The following ERC1 variants were observed in gnomAD, a reference collection of about 807,000 sequenced individuals.
The protein encoded by ERC1 is RAB6 interacting protein 2.
In ERC1, 56 loss-of-function variants were observed where a neutral mutation model predicts 132.0. That is an observed-to-expected ratio of 0.42 (90% CI 0.34 to 0.53). The LOEUF (loss-of-function observed/expected upper bound fraction) is 0.53, where lower values mean the gene tolerates loss of function less well. Ranked by LOEUF, ERC1 falls within the 20% of genes least tolerant of loss-of-function variation. ERC1 has a pLI of 0.03. For missense variants in ERC1, 1,202 were observed against 1,349.9 expected (o/e 0.89, Z 1.72); for synonymous variants, 478 against 476.1 (o/e 1.00, Z -0.05).
intron 2 of ERC1, among the ~76,000 whole-genome samples, chr12:1,061,193 T>G (rs1439943231): frequency 1.3e-5 from 2 of 152,222 alleles, no homozygotes; most frequent in Non-Finnish European, 2.9e-5. Flanking sequence ...TAATGGCGTC[T>G]AATGATTCTT....
chr12:1,471,479 GA>G (rs1486353022), intron 18 of ERC1, among the ~76,000 whole-genome samples: 1 of 152,232 alleles, frequency 6.6e-6, no homozygotes, highest in Non-Finnish European at 1.5e-5. Context: ...ATAATCATCA[GA>G]AAGCAAACAT....
chr12:1,393,244 T>C (rs1021620987), intron 16 of ERC1, among the ~76,000 whole-genome samples: 2 of 152,230 alleles, frequency 1.3e-5, no homozygotes, highest in Admixed American at 6.5e-5. Flanking sequence ...TTTAAGAACT[T>C]TGGCTGGGTG....
intron 1 of ERC1, among the ~76,000 whole-genome samples, chr12:1,026,969 G>T (rs533432346): frequency 2.0e-5 from 3 of 152,328 alleles, no homozygotes; most frequent in Admixed American, 2.0e-4. Context: ...CACTGGGATT[G>T]TGCTAAGTAG....
intron 12 of ERC1, among the ~76,000 whole-genome samples, chr12:1,215,836 T>A (rs1958351737): frequency 6.6e-6 from 1 of 152,152 alleles, no homozygotes; most frequent in South Asian, 2.1e-4. Flanking sequence ...TATAGGTTAT[T>A]GTTAAAGACC....
At chr12:1,177,858 A>G (rs1953920331) in intron 8 of ERC1, among the ~76,000 whole-genome samples, 3 of 152,200 alleles carry the variant, frequency 2.0e-5, no homozygotes, top group Non-Finnish European at 4.4e-5. Context: ...AGCGTAAGAA[A>G]TCCAGGTATA....
chr12:1,234,869 G>A (rs1392621584), intron 12 of ERC1, among the ~76,000 whole-genome samples: 5 of 152,066 alleles, frequency 3.3e-5, no homozygotes, highest in African/African-American at 9.7e-5. Context: ...ATATTATTAT[G>A]TTATACCAAA....
intron 15 of ERC1, among the ~76,000 whole-genome samples, chr12:1,301,485 A>G (rs1001342983): frequency 5.9e-5 from 9 of 152,226 alleles, no homozygotes; most frequent in African/African-American, 2.2e-4. Flanking sequence ...TTGTGCAGCC[A>G]TAAAAACGAA....
At chr12:1,271,220 TAG>T (rs1466233702) in intron 14 of ERC1, among the ~76,000 whole-genome samples, 6 of 152,170 alleles carry the variant, frequency 3.9e-5, no homozygotes, top group South Asian at 4.1e-4. Flanking sequence ...CAAAAATGTG[TAG>T]AGAGACTTTT....
chr12:1,132,484 G>A (rs1948857982), intron 7 of ERC1, among the ~76,000 whole-genome samples: 1 of 152,032 alleles, frequency 6.6e-6, no homozygotes, highest in Non-Finnish European at 1.5e-5. Flanking sequence ...TCTCAGTGCC[G>A]TGCGGGTATT....
chr12:1,490,284 A>C lies in ERC1; in HGVS notation c.*54A>C. The C allele has an allele frequency of 6.4e-7, 1 of 1,571,496 alleles. No homozygotes were observed. The highest frequency in any genetic ancestry group is 2.3e-5 in the East Asian group (1 of 44,290). On this transcript the variant is annotated 3_prime_UTR_variant, in exon 19 of 19. Coordinates refer to ENST00000360905, the MANE Select transcript of ERC1 (RefSeq NM_178040.4). ...TCAACCCAGGAGCCAAGAAAAGAGA[A>C]CTACGAGGAACAGGTGCCCGGAACC... is the stretch of plus-strand genomic sequence containing the variant.
At chr12:1,332,966 A>G (rs2082982043) in intron 15 of ERC1, among the ~76,000 whole-genome samples, 2 of 152,008 alleles carry the variant, frequency 1.3e-5, no homozygotes, top group African/African-American at 2.4e-5. Flanking sequence ...TGTTGTACAG[A>G]TTATTTCCTC....
intron 2 of ERC1, among the ~76,000 whole-genome samples, chr12:1,054,063 G>T (rs370896539): frequency 1.3e-5 from 2 of 152,050 alleles, no homozygotes; most frequent in Non-Finnish European, 1.5e-5. Flanking sequence ...TGATCTTCTA[G>T]ATTCAGAAAA....
intron 11 of ERC1, among the ~76,000 whole-genome samples, chr12:1,186,911 G>A (rs1955160675): frequency 6.6e-6 from 1 of 152,112 alleles, no homozygotes; most frequent in Non-Finnish European, 1.5e-5. Flanking sequence ...ACTCACTGCA[G>A]CCTCTACCTC....
chr12:1,483,809 C>T (rs2094141255), intron 18 of ERC1, among the ~76,000 whole-genome samples: 2 of 150,316 alleles, frequency 1.3e-5, no homozygotes, highest in East Asian at 4.0e-4. Context: ...TGTGCCTTAG[C>T]CTCCCGAGTA....
chr12:1,103,975 G>T (rs1944956480), intron 3 of ERC1, among the ~76,000 whole-genome samples: 1 of 149,430 alleles, frequency 6.7e-6, no homozygotes, highest in Admixed American at 6.8e-5. Flanking sequence ...GGATTCCCAA[G>T]AGCCTGTCCC....
At chr12:1,187,546 C>T (rs1044479322) in intron 11 of ERC1, among the ~76,000 whole-genome samples, 3 of 151,832 alleles carry the variant, frequency 2.0e-5, no homozygotes, top group Non-Finnish European at 2.9e-5. Flanking sequence ...GGATTAGAGA[C>T]GTGAACCACT....
At chr12:1,138,210 A>G (rs1360115610) in intron 7 of ERC1, among the ~76,000 whole-genome samples, 1 of 112,952 alleles carries the variant, frequency 8.9e-6, no homozygotes, top group Non-Finnish European at 1.7e-5. Context: ...TATGATATAT[A>G]TTATATAATA....
chr12:1,172,948 C>T (rs144499302), intron 8 of ERC1, among the ~76,000 whole-genome samples: 2,234 of 152,298 alleles, frequency 0.015, 28 homozygotes, highest in Non-Finnish European at 0.025. Context: ...ATCTTTGGCT[C>T]TGCCCAGCAG....
intron 8 of ERC1, among the ~76,000 whole-genome samples, chr12:1,165,396 C>T (rs1438273479): frequency 2.0e-5 from 3 of 151,828 alleles, no homozygotes; most frequent in African/African-American, 4.8e-5. Context: ...AGTTCCGCCT[C>T]CCGGGTTCAC....
Sources: allele counts gnomAD v4.1 joint callset (sites outside exome capture counted in the v4.1 genomes callset), GRCh38; gene constraint gnomAD v4.1.1; transcripts MANE v1.5; gene names NCBI Gene and HGNC (gene_info 2026-07-23, HGNC 2026-07-21).